Variants in PTGER3 observed in about 807,000 individuals in gnomAD.
The protein encoded by PTGER3 is prostaglandin E receptor 3.
A neutral mutation model predicts 34.7 loss-of-function variants in PTGER3; 22 were observed. That is an observed-to-expected ratio of 0.63 (90% CI 0.45 to 0.91). The LOEUF is 0.91. Among genes scored for constraint, PTGER3 ranks in the 40% least tolerant of loss-of-function variants. The pLI, the probability that PTGER3 is intolerant of heterozygous loss-of-function variation, is 0.00. For synonymous variants in PTGER3, 241 were observed against 230.1 expected (o/e 1.05, Z -0.43); for missense variants, 468 against 519.4 (o/e 0.90, Z 0.96).
chr1:70,971,758 G>A (rs1165001024), intron 3 of PTGER3, 25 bp from the exon 4 acceptor site: 1 of 1,468,034 alleles, frequency 6.8e-7, no homozygotes, highest in Non-Finnish European at 9.3e-7. Context: ...AGAGAAAGAT[G>A]CAATAAGCAT....
At chr1:70,954,159 G>T (rs1651072343) in intron 2 of PTGER3, among the ~76,000 whole-genome samples, 1 of 152,110 alleles carries the variant, frequency 6.6e-6, no homozygotes, top group African/African-American at 2.4e-5. Context: ...ATTTTAACAG[G>T]AATTAAGTTA....
intron 4 of PTGER3, among the ~76,000 whole-genome samples, chr1:70,874,782 C>G (rs546224491): frequency 6.6e-6 from 1 of 152,098 alleles, no homozygotes. Flanking sequence ...ATTGAACACA[C>G]TAACAGATTT....
chr1:71,019,101 A>G (rs1658174258), intron 1 of PTGER3, among the ~76,000 whole-genome samples: 1 of 152,194 alleles, frequency 6.6e-6, no homozygotes, highest in South Asian at 2.1e-4. Flanking sequence ...CATAATTATA[A>G]TTTCTGTGTA....
chr1:70,990,150 G>T (rs1655302344), intron 2 of PTGER3, among the ~76,000 whole-genome samples: 1 of 151,646 alleles, frequency 6.6e-6, no homozygotes, highest in Non-Finnish European at 1.5e-5. Flanking sequence ...TCAGGAGATC[G>T]AGACCAACCT....
intron 2 of PTGER3, among the ~76,000 whole-genome samples, chr1:70,989,787 T>C (rs6424414): frequency 0.62 from 94,722 of 151,936 alleles, 29,773 homozygotes; most frequent in Middle Eastern, 0.66. Flanking sequence ...ACTTTGATAG[T>C]ATTGGCCAGT....
At chr1:70,890,216 T>C (rs891690623) in intron 4 of PTGER3, among the ~76,000 whole-genome samples, 3 of 152,208 alleles carry the variant, frequency 2.0e-5, no homozygotes, top group African/African-American at 7.2e-5. Flanking sequence ...CTGCCATTTA[T>C]TTAACAACAC....
intron 1 of PTGER3, among the ~76,000 whole-genome samples, chr1:71,030,439 C>T (rs1437661618): frequency 6.6e-6 from 1 of 152,062 alleles, no homozygotes; most frequent in East Asian, 1.9e-4. Context: ...CACTTTCCCA[C>T]CAAGCAAAAA....
intron 2 of PTGER3, among the ~76,000 whole-genome samples, chr1:71,002,819 C>A (rs114850789): frequency 0.01 from 1,532 of 152,280 alleles, 31 homozygotes; most frequent in African/African-American, 0.035. Flanking sequence ...TAACAAAGGA[C>A]AATTGCTTTT....
At chr1:71,029,686 C>G (rs6424415) in intron 1 of PTGER3, among the ~76,000 whole-genome samples, 136,615 of 152,056 alleles carry the variant, frequency 0.9, 61,405 homozygotes, top group East Asian at 0.96. Flanking sequence ...AGTACTTTGG[C>G]AGGCCTAGGC....
chr1:70,970,034 C>CA (rs35275966), downstream of PTGER3, among the ~76,000 whole-genome samples: 47,690 of 151,892 alleles, frequency 0.31, 8,428 homozygotes, highest in African/African-American at 0.47. Context: ...AGTTTGATTC[C>CA]AAACTCATGC....
At chr1:70,990,162 G>C (rs1655303500) in intron 2 of PTGER3, among the ~76,000 whole-genome samples, 1 of 151,596 alleles carries the variant, frequency 6.6e-6, no homozygotes, top group African/African-American at 2.4e-5. Context: ...GACCAACCTG[G>C]CTAACACGGT....
intron 4 of PTGER3, among the ~76,000 whole-genome samples, chr1:70,906,963 T>C (rs955357276): frequency 6.6e-6 from 1 of 152,240 alleles, no homozygotes; most frequent in African/African-American, 2.4e-5. Context: ...GGTTGCATAA[T>C]TCAGATTAAC....
Position 70,984,411 on chromosome 1 carries a change from A to G in PTGER3, c.1078-10023T>C, listed in dbSNP as rs536273062. On this transcript the variant is annotated intron_variant, in intron 2 of 3. Transcript: ENST00000306666. ...CAAAAAAAAAAAAAAAATTCATTAA[A>G]TTAACAAAATTATTCTAACTATTCA... is the stretch of plus-strand genomic sequence containing the variant. Among the ~76,000 whole-genome samples the G allele has an allele frequency of 2.5e-4, 37 of 150,518 alleles. 1 individual carries two copies. Among genetic ancestry groups the G allele is most frequent in the Admixed American group, 2.1e-3 (32 of 15,112 alleles).
chr1:70,883,548 T>C (rs1435534609), intron 4 of PTGER3, among the ~76,000 whole-genome samples: 2 of 152,182 alleles, frequency 1.3e-5, no homozygotes, highest in Admixed American at 1.3e-4. Flanking sequence ...CTCTTAAATG[T>C]TACAAGTAAG....
chr1:71,034,644 A>C (rs2100966306), intron 1 of PTGER3, among the ~76,000 whole-genome samples: 1 of 152,348 alleles, frequency 6.6e-6, no homozygotes, highest in Non-Finnish European at 1.5e-5. Flanking sequence ...TCCAAGAGCT[A>C]GTATTAGCAC....
At chr1:71,029,269 G>A (rs1659198317) in intron 1 of PTGER3, among the ~76,000 whole-genome samples, 1 of 152,076 alleles carries the variant, frequency 6.6e-6, no homozygotes. Flanking sequence ...GAAAAACAAG[G>A]CAAGATCTCT....
intron 4 of PTGER3, among the ~76,000 whole-genome samples, chr1:70,874,575 C>A (rs1391221221): frequency 6.6e-6 from 1 of 152,098 alleles, no homozygotes; most frequent in East Asian, 1.9e-4. Flanking sequence ...CTGGTTCTTG[C>A]CTCACAACTT....
intron 4 of PTGER3, among the ~76,000 whole-genome samples, chr1:70,898,422 G>A (rs1409165): frequency 0.75 from 114,288 of 152,078 alleles, 44,681 homozygotes; most frequent in Non-Finnish European, 0.87. Context: ...CTGCCCTTTG[G>A]TTAATTCCTG....
chr1:70,930,225 A>G (rs1648551396), intron 4 of PTGER3, among the ~76,000 whole-genome samples: 1 of 152,186 alleles, frequency 6.6e-6, no homozygotes, highest in Non-Finnish European at 1.5e-5. Flanking sequence ...AAGTTGGGGC[A>G]TGGGTAAAGC....
Sources: gnomAD v4.1 joint callset for allele counts (sites outside exome capture counted in the v4.1 genomes callset) on GRCh38, gnomAD v4.1.1 for gene constraint, MANE v1.5 for transcripts, NCBI Gene and HGNC (gene_info 2026-07-23, HGNC 2026-07-21) for gene names.